The following PTCHD4 variants were observed in gnomAD, a reference collection of about 807,000 sequenced individuals.
PTCHD4 encodes patched domain-containing protein 4.
PTCHD4 carries 33 observed loss-of-function variants against 58.1 expected under a neutral mutation model. The observed-to-expected ratio is 0.57, with a 90% CI of 0.43 to 0.76. PTCHD4 has a LOEUF of 0.76. PTCHD4 is among the 30% of genes least tolerant of loss of function. The pLI, the probability that PTCHD4 is intolerant of heterozygous loss-of-function variation, is 0.00. For synonymous variants in PTCHD4, 478 were observed against 409.6 expected (o/e 1.17, Z -2.02); for missense variants, 1,058 against 1,027.1 (o/e 1.03, Z -0.41).
intron 4 of PTCHD4, among the ~76,000 whole-genome samples, chr6:47,916,242 G>A (rs7755065): frequency 1.3e-5 from 2 of 151,756 alleles, no homozygotes; most frequent in African/African-American, 4.8e-5. Flanking sequence ...TAGCAGTCCC[G>A]CTAGTTTCAC....
intron 4 of PTCHD4, among the ~76,000 whole-genome samples, chr6:47,897,940 C>CTTTTTTTTTTTTTTT (rs67063892): frequency 1.4e-3 from 105 of 76,362 alleles, no homozygotes; most frequent in African/African-American, 1.8e-3. Flanking sequence ...TTCTTTCTTT[C>CTTTTTTTTTTTTTTT]TTTTTTTTTT....
intron 4 of PTCHD4, among the ~76,000 whole-genome samples, chr6:47,980,394 G>A (rs1402264355): frequency 6.6e-6 from 1 of 151,942 alleles, no homozygotes; most frequent in Admixed American, 6.6e-5. Context: ...CTTTCTCTGT[G>A]TTGTTAATCT....
Position 47,859,553 on chromosome 6 carries a change from T to C in PTCHD4, c.*18750A>G, listed in dbSNP as rs927710596. Among the ~76,000 whole-genome samples, 3 of 151,978 alleles carry C rather than the reference T, an allele frequency of 2.0e-5. No homozygotes were observed. Among genetic ancestry groups the C allele is most frequent in the African/African-American group, 7.2e-5 (3 of 41,406 alleles). ...TTCTTCCCTCCCTCCCTCCTTTCCT[T>C]CCTTCCTTTGTCAAATATTTATTGA... On this transcript the variant is annotated 3_prime_UTR_variant, in exon 5 of 5. Transcript: ENST00000339488.
At chr6:47,926,092 G>A (rs986602948) in intron 4 of PTCHD4, among the ~76,000 whole-genome samples, 2 of 152,150 alleles carry the variant, frequency 1.3e-5, no homozygotes, top group Non-Finnish European at 2.9e-5. Flanking sequence ...CAAAGGACAC[G>A]TGAAGAACAT....
chr6:47,890,018 A>T (rs1764326187), intron 4 of PTCHD4, among the ~76,000 whole-genome samples: 1 of 151,848 alleles, frequency 6.6e-6, no homozygotes, highest in Admixed American at 6.6e-5. Context: ...AAACTTAAAG[A>T]TCCAGTGTAT....
intron 4 of PTCHD4, among the ~76,000 whole-genome samples, chr6:47,884,336 T>A (rs1431529428): frequency 1.3e-5 from 2 of 152,224 alleles, no homozygotes; most frequent in African/African-American, 4.8e-5. Context: ...GTTTCCATTC[T>A]GAGGCTGGAA....
chr6:47,981,177 T>G (rs774365100), intron 4 of PTCHD4, among the ~76,000 whole-genome samples: 1 of 152,176 alleles, frequency 6.6e-6, no homozygotes, highest in African/African-American at 2.4e-5. Flanking sequence ...ATTTTATCAC[T>G]ATGTTGATGC....
At chr6:47,988,730 C>T (rs1373173355) in intron 4 of PTCHD4, among the ~76,000 whole-genome samples, 2 of 152,200 alleles carry the variant, frequency 1.3e-5, no homozygotes, top group African/African-American at 4.8e-5. Context: ...TTTCATCTCC[C>T]ACCATGATTG....
chr6:48,049,169 G>A lies in PTCHD4; in HGVS notation c.417+19061C>T, dbSNP rs560647125. ...GGCAATGTTTGGAGACTTTGTTTTT[G>A]TTTTTCACGACTTGGGGGAGGAGGA... On this transcript the variant is annotated intron_variant, in intron 3 of 4. Transcript: ENST00000339488. Among the ~76,000 whole-genome samples, 6 of 151,938 alleles carry A rather than the reference G, an allele frequency of 3.9e-5. No homozygotes were observed. In the East Asian group the frequency reaches 1.2e-3, roughly 30 times the overall value.
At chr6:47,944,208 G>C (rs1766336062) in intron 4 of PTCHD4, among the ~76,000 whole-genome samples, 1 of 152,036 alleles carries the variant, frequency 6.6e-6, no homozygotes, top group South Asian at 2.1e-4. Flanking sequence ...ATGGTTTTTG[G>C]AAATCAATGA....
chr6:48,086,418 G>A (rs943647027), intron 1 of PTCHD4, among the ~76,000 whole-genome samples: 1 of 151,526 alleles, frequency 6.6e-6, no homozygotes, highest in South Asian at 2.1e-4. Flanking sequence ...GCAGACTCCT[G>A]CACTAGAAGA....
At chr6:47,915,843 G>A (rs1198887924) in intron 4 of PTCHD4, among the ~76,000 whole-genome samples, 2 of 152,102 alleles carry the variant, frequency 1.3e-5, no homozygotes, top group African/African-American at 4.8e-5. Context: ...AAGGCTGCAA[G>A]ATACCATTGA....
chr6:47,911,182 A>AC (rs1331309666), intron 4 of PTCHD4, among the ~76,000 whole-genome samples: 5 of 152,090 alleles, frequency 3.3e-5, no homozygotes, highest in African/African-American at 1.2e-4. Context: ...GGAAGCACTA[A>AC]CAGGAGACTG....
At chr6:48,043,909 G>C (rs947058457) in intron 3 of PTCHD4, among the ~76,000 whole-genome samples, 4 of 151,788 alleles carry the variant, frequency 2.6e-5, no homozygotes, top group African/African-American at 9.7e-5. Flanking sequence ...TTAGACCCTT[G>C]ATCCAAAATC....
intron 4 of PTCHD4, among the ~76,000 whole-genome samples, chr6:47,957,212 A>G (rs920914096): frequency 6.7e-6 from 1 of 148,954 alleles, no homozygotes; most frequent in African/African-American, 2.4e-5. Flanking sequence ...ATATTTTTTA[A>G]ACAGAAATAA....
intron 4 of PTCHD4, among the ~76,000 whole-genome samples, chr6:47,935,377 C>T (rs1329791338): frequency 6.6e-6 from 1 of 152,064 alleles, no homozygotes; most frequent in Non-Finnish European, 1.5e-5. Flanking sequence ...AAAATGAGAA[C>T]ATGTCATGGG....
intron 3 of PTCHD4, among the ~76,000 whole-genome samples, chr6:48,047,363 T>G (rs1764072602): frequency 6.6e-6 from 1 of 151,894 alleles, no homozygotes; most frequent in Admixed American, 6.6e-5. Context: ...TATTACTACC[T>G]TTTACTTTTC....
At chr6:48,103,868 G>A (rs905847077) in intron 1 of PTCHD4, among the ~76,000 whole-genome samples, 30 of 152,138 alleles carry the variant, frequency 2.0e-4, no homozygotes, top group Non-Finnish European at 3.5e-4. Context: ...AAGATGAAAT[G>A]AATGAAATGA....
rs967519014 is a variant in PTCHD4 at position 47,869,946 on chromosome 6, A to G, written c.*8357T>C. ...GGGGCATTTAATACTAACAATAAAG[A>G]ATGAAGAAAAATCTGGCGAATTTAA... On this transcript the variant is annotated 3_prime_UTR_variant, in exon 5 of 5. Coordinates refer to ENST00000339488, the MANE Select transcript of PTCHD4 (RefSeq NM_001384253.1). Among the ~76,000 whole-genome samples the G allele has an allele frequency of 3.3e-5, 5 of 151,606 alleles. No individual in the cohort carries two copies. The highest frequency in any genetic ancestry group is 1.2e-4 in the African/African-American group (5 of 41,384).
Sources: gnomAD v4.1 joint callset for allele counts (sites outside exome capture counted in the v4.1 genomes callset) on GRCh38, gnomAD v4.1.1 for gene constraint, MANE v1.5 for transcripts, NCBI Gene and HGNC (gene_info 2026-07-23, HGNC 2026-07-21) for gene names.